Variants in CRY2 observed in about 807,000 individuals in gnomAD.
CRY2 encodes cryptochrome-2.
A neutral mutation model predicts 69.5 loss-of-function variants in CRY2; 31 were observed. The observed-to-expected ratio is 0.45, with a 90% confidence interval of 0.34 to 0.60. CRY2 has a LOEUF of 0.60. CRY2 is among the 20% of genes least tolerant of loss of function. The probability of loss-of-function intolerance (pLI) is 0.02; values close to 1 mark genes in which losing one functional copy is unlikely to be tolerated. For synonymous variants in CRY2, 303 were observed against 312.2 expected (o/e 0.97, Z 0.31); for missense variants, 606 against 797.8 (o/e 0.76, Z 2.90).
chr11:45,854,833 C>T (rs2086226972), intron 1 of CRY2, among the ~76,000 whole-genome samples: 1 of 152,160 alleles, frequency 6.6e-6, no homozygotes, highest in Non-Finnish European at 1.5e-5. Context: ...GTCTCAGTTT[C>T]CTCATCTATA....
At chr11:45,851,950 T>C (rs1004568753) in intron 1 of CRY2, among the ~76,000 whole-genome samples, 2 of 152,178 alleles carry the variant, frequency 1.3e-5, no homozygotes, top group African/African-American at 4.8e-5. Context: ...AAATAAAATA[T>C]TCCTCAACAC....
At chr11:45,874,432 G>T (rs2086410403) in intron 11 of CRY2, among the ~76,000 whole-genome samples, 1 of 152,194 alleles carries the variant, frequency 6.6e-6, no homozygotes, top group Non-Finnish European at 1.5e-5. Flanking sequence ...GGCTTGGGTG[G>T]CAGCCCCAGC....
rs1335698047 is a variant in CRY2 at position 45,847,646 on chromosome 11, C to T, written c.156C>T (p.Cys52=). Residue 52 remains cysteine, a synonymous_variant, in exon 1 of 12, where the codon TGC becomes TGT. Coordinates refer to ENST00000616080, the MANE Select transcript of CRY2 (RefSeq NM_021117.5). ...AAVRGARCVR[C]VYILDPWFAA... is the part of the protein sequence containing the mutation. ...TGCGCGGGGCGCGCTGCGTGCGCTG[C>T]GTTTACATTCTCGACCCGTGGTTCG... is the stretch of plus-strand genomic sequence containing the variant. The T allele has an allele frequency of 6.3e-7, 1 of 1,598,792 alleles. No individual in the cohort carries two copies. Among genetic ancestry groups the T allele is most frequent in the Non-Finnish European group, 8.5e-7 (1 of 1,173,550 alleles).
Position 45,881,784 on chromosome 11 carries a change from CAGG to C in CRY2, c.*879_*881del, listed in dbSNP as rs1196833138. 1 of 152,252 alleles carries C rather than the reference CAGG, an allele frequency of 6.6e-6. No individual in the cohort carries two copies. The highest frequency in any genetic ancestry group is 1.5e-5 in the Non-Finnish European group (1 of 68,068). The allele number at this position is 152,252 out of a possible 1,614,324, so 9.4% of individuals were successfully genotyped here. On this transcript the variant is annotated 3_prime_UTR_variant, in exon 12 of 12. Coordinates refer to ENST00000616080, the MANE Select transcript of CRY2 (RefSeq NM_021117.5). ...CAAGGGTCAAACTGACTCACTCTAC[CAGG>C]AGGAGACCAGGTTGCAGTGGCGTAA...
intron 1 of CRY2, among the ~76,000 whole-genome samples, chr11:45,855,596 A>G (rs922312342): frequency 2.6e-5 from 4 of 152,230 alleles, no homozygotes; most frequent in Admixed American, 2.0e-4. Flanking sequence ...ACACCACACT[A>G]GGAACAGCTC....
chr11:45,857,117 T>C (rs1370343239), intron 2 of CRY2, among the ~76,000 whole-genome samples: 3 of 152,122 alleles, frequency 2.0e-5, no homozygotes, highest in South Asian at 4.1e-4. Flanking sequence ...ACATCATCCT[T>C]CAATTCCCCT....
intron 1 of CRY2, among the ~76,000 whole-genome samples, chr11:45,847,957 G>A (rs946044186): frequency 3.3e-5 from 5 of 152,220 alleles, no homozygotes; most frequent in Non-Finnish European, 7.3e-5. Context: ...GATCCCCGTT[G>A]TACAGATGAG....
At chr11:45,871,341 AGCG>A (rs2086380453) in intron 10 of CRY2, among the ~76,000 whole-genome samples, 1 of 152,232 alleles carries the variant, frequency 6.6e-6, no homozygotes, top group Admixed American at 6.5e-5. Context: ...AGGTCAGTGT[AGCG>A]GCATGTCCCA....
At chr11:45,854,299 A>G (rs1036832157) in intron 1 of CRY2, among the ~76,000 whole-genome samples, 3 of 152,240 alleles carry the variant, frequency 2.0e-5, no homozygotes, top group African/African-American at 7.2e-5. Context: ...CTGTAGTCAC[A>G]TTGCTATTAG....
At chr11:45,863,143 C>T (rs551742870) in intron 5 of CRY2, among the ~76,000 whole-genome samples, 2 of 152,286 alleles carry the variant, frequency 1.3e-5, no homozygotes, top group East Asian at 1.9e-4. Context: ...CAGCCTGGGA[C>T]GAAAGCAAGC....
chr11:45,861,882 C>A (rs1590765662), intron 4 of CRY2, 178 bp from the exon 5 acceptor site: 1 of 601,102 alleles, frequency 1.7e-6, no homozygotes. Context: ...AAAATAGTGA[C>A]TGTGGGAAGA....
intron 1 of CRY2, among the ~76,000 whole-genome samples, chr11:45,850,993 G>T (rs1344369688): frequency 2.0e-5 from 3 of 150,854 alleles, no homozygotes; most frequent in Non-Finnish European, 4.4e-5. Context: ...ATGGTGGGAA[G>T]TTTACGGGCT....
intron 5 of CRY2, among the ~76,000 whole-genome samples, chr11:45,867,110 T>G (rs1281935586): frequency 6.6e-6 from 1 of 152,152 alleles, no homozygotes; most frequent in East Asian, 1.9e-4. Context: ...ATTCCATTGG[T>G]CCCCAGGAAT....
In CRY2 at chr11:45,882,264, G is replaced by A. The variant is rs578138898; in HGVS notation, c.*1353G>A. 8 of 92,108 alleles carry A rather than the reference G, an allele frequency of 8.7e-5. No homozygotes were observed. The highest frequency in any genetic ancestry group is 2.6e-4 in the Admixed American group (2 of 7,800). 5.7% of individuals were successfully genotyped at this position (92,108 alleles called of 1,614,324 possible). A position where few individuals can be genotyped will look rare whatever the true frequency, so the allele number is the denominator to read the frequency against. On this transcript the variant is annotated 3_prime_UTR_variant, in exon 12 of 12. Transcript: ENST00000616080. ...CTGTGGCCTGCACTTGAGCCACAAA[G>A]TGTGTGTGTGTGTGTGCGTGTGTGG...
chr11:45,858,890 A>G lies in CRY2; in HGVS notation c.467+17A>G, dbSNP rs1363382712. 1.2e-6 allele frequency: 2 copies of G among 1,609,842 alleles called. No individual in the cohort carries two copies. Among genetic ancestry groups the G allele is most frequent in the African/African-American group, 1.3e-5 (1 of 74,728 alleles). ...CCTGGACAGGTAAGAGATGGGGCCC[A>G]GGGATCAGGTTACCAATTGTGAGAG... On this transcript the variant is annotated intron_variant, in intron 3 of 11. Coordinates refer to ENST00000616080, the MANE Select transcript of CRY2 (RefSeq NM_021117.5).
At chr11:45,870,708 TGTG>T in intron 9 of CRY2, 131 bp from the exon 10 acceptor site, 2 of 1,083,848 alleles carry the variant, frequency 1.8e-6, no homozygotes, top group Non-Finnish European at 2.7e-6. Flanking sequence ...CCTGAGTAGT[TGTG>T]GGGCTGTGGG....
In CRY2 at chr11:45,869,517, C is replaced by T; in HGVS notation, c.894C>T (p.Asn298=). The T allele has an allele frequency of 1.9e-6, 3 of 1,610,100 alleles. No homozygotes were observed. The highest frequency in any genetic ancestry group is 2.5e-6 in the Non-Finnish European group (3 of 1,177,488). ...CCCCTACCTCTCAGGTGAAGCGGAA[C>T]AGCACACCTCCCCTCTCCCTATTTG... The part of the protein sequence containing the change: ...LWDLYKKVKR[N]STPPLSLFGQ... The change falls in exon 7 of 12, where the codon AAC becomes AAT. Residue 298 remains asparagine (N), a synonymous_variant. Transcript: ENST00000616080.
chr11:45,873,147 C>T (rs992161291), intron 11 of CRY2, among the ~76,000 whole-genome samples: 36 of 152,222 alleles, frequency 2.4e-4, no homozygotes, highest in Admixed American at 2.0e-3. Context: ...TTATGCCACT[C>T]TTGGGGAAAT....
At position 45,859,423 on chromosome 11, in the gene CRY2, A is replaced by G. The variant is rs374153835; in HGVS notation, c.467+550A>G. Among the ~76,000 whole-genome samples, 44 of 152,206 alleles carry G rather than the reference A, an allele frequency of 2.9e-4. No individual in the cohort carries two copies. The East Asian group carries it at 4.8e-3, about 17-fold the overall frequency. ...CTAAAAATAAATATATTAGCCATGC[A>G]TGGTGGGACATGCCTGTAGTCCCAA... On this transcript the variant is annotated intron_variant, in intron 3 of 11. Transcript: ENST00000616080.
Sources: gnomAD v4.1 joint callset for allele counts (sites outside exome capture counted in the v4.1 genomes callset) on GRCh38, gnomAD v4.1.1 for gene constraint, MANE v1.5 for transcripts, NCBI Gene and HGNC (gene_info 2026-07-23, HGNC 2026-07-21) for gene names.